Variants in PDE1C observed in about 807,000 individuals in gnomAD.
The protein encoded by PDE1C is phosphodiesterase 1C.
A neutral mutation model predicts 93.1 loss-of-function variants in PDE1C; 62 were observed. The observed-to-expected ratio is 0.67, with a 90% confidence interval of 0.54 to 0.82. PDE1C has a LOEUF of 0.82. PDE1C is among the 40% of genes least tolerant of loss of function. The probability of loss-of-function intolerance (pLI) is 0.00; values close to 1 mark genes in which losing one functional copy is unlikely to be tolerated. For missense variants in PDE1C, 742 were observed against 884.6 expected, an observed-to-expected ratio of 0.84 and a Z score of 2.04; for synonymous variants, 325 against 310.1, an observed-to-expected ratio of 1.05 and a Z score of -0.50.
At chr7:32,218,521 A>C (rs1423807144) in intron 1 of PDE1C, among the ~76,000 whole-genome samples, 1 of 152,204 alleles carries the variant, frequency 6.6e-6, no homozygotes, top group Non-Finnish European at 1.5e-5. Context: ...AAAATCCAAG[A>C]GGCCTTTACC....
At chr7:32,106,404 CT>C (rs1346464707) in intron 3 of PDE1C, among the ~76,000 whole-genome samples, 2 of 151,876 alleles carry the variant, frequency 1.3e-5, no homozygotes, top group Admixed American at 6.6e-5. Context: ...CGCCAGACAT[CT>C]GACAAAAAAT....
chr7:31,822,683 C>T (rs1421300292), intron 14 of PDE1C, among the ~76,000 whole-genome samples: 1 of 152,052 alleles, frequency 6.6e-6, no homozygotes, highest in Non-Finnish European at 1.5e-5. Context: ...ACATAATGGC[C>T]AAGGCAAGGT....
At chr7:32,413,597 A>C (rs1377324688) in intron 1 of PDE1C, among the ~76,000 whole-genome samples, 2 of 152,188 alleles carry the variant, frequency 1.3e-5, no homozygotes, top group African/African-American at 4.8e-5. Context: ...ATACTGTTTA[A>C]TAGGCACAGA....
At chr7:32,008,318 G>C (rs971103023) in intron 2 of PDE1C, among the ~76,000 whole-genome samples, 3 of 152,140 alleles carry the variant, frequency 2.0e-5, no homozygotes, top group African/African-American at 4.8e-5. Context: ...CTCTGAATTT[G>C]TTGACTTGAT....
intron 3 of PDE1C, among the ~76,000 whole-genome samples, chr7:32,152,665 A>G (rs888317689): frequency 6.6e-6 from 1 of 152,220 alleles, no homozygotes; most frequent in Non-Finnish European, 1.5e-5. Flanking sequence ...AATTACCTAG[A>G]TGGATATGGA....
chr7:32,281,616 C>T (rs964953326), intron 1 of PDE1C, among the ~76,000 whole-genome samples: 1 of 152,134 alleles, frequency 6.6e-6, no homozygotes, highest in African/African-American at 2.4e-5. Flanking sequence ...AATACCCCAA[C>T]AGAAAAACTA....
the PDE1C span, among the ~76,000 whole-genome samples, chr7:31,676,235 A>C: frequency 2.7e-3 from 418 of 152,304 alleles, 5 homozygotes; most frequent in African/African-American, 9.7e-3. Context: ...TACCCAGCAC[A>C]GTCCTAAATC....
At chr7:32,343,250 T>C (rs112820210) in intron 1 of PDE1C, among the ~76,000 whole-genome samples, 3,692 of 152,340 alleles carry the variant, frequency 0.024, 61 homozygotes, top group Non-Finnish European at 0.036. Flanking sequence ...TCTCTTTACA[T>C]TTAAACGTCA....
chr7:31,895,792 G>C (rs1799234039), intron 2 of PDE1C, among the ~76,000 whole-genome samples: 1 of 152,064 alleles, frequency 6.6e-6, no homozygotes, highest in Non-Finnish European at 1.5e-5. Flanking sequence ...ATTTTATAAA[G>C]AGCAGTTCCC....
intron 1 of PDE1C, among the ~76,000 whole-genome samples, chr7:32,336,974 T>C (rs1783637933): frequency 6.6e-6 from 1 of 152,130 alleles, no homozygotes; most frequent in South Asian, 2.1e-4. Flanking sequence ...AGGTCCTGAG[T>C]CATCTTACAC....
chr7:31,676,533 T>C, the PDE1C span, among the ~76,000 whole-genome samples: 5 of 152,134 alleles, frequency 3.3e-5, no homozygotes, highest in African/African-American at 1.2e-4. Context: ...ATATCAGATG[T>C]ATAGTTGAAG....
chr7:31,676,673 G>C, the PDE1C span, among the ~76,000 whole-genome samples: 1 of 152,004 alleles, frequency 6.6e-6, no homozygotes, highest in South Asian at 2.1e-4. Flanking sequence ...AATTTAAAAA[G>C]CCAAAGGAAG....
At chr7:32,054,268 G>A (rs1173004998) in intron 1 of PDE1C, among the ~76,000 whole-genome samples, 1 of 152,132 alleles carries the variant, frequency 6.6e-6, no homozygotes, top group Non-Finnish European at 1.5e-5. Flanking sequence ...AGGCAACAGG[G>A]CTCTGGAGTG....
chr7:31,830,061 C>T lies in PDE1C; in HGVS notation c.1204-1688G>A, dbSNP rs191591332. 1.6e-3 allele frequency among the ~76,000 whole-genome samples: 251 copies of T among 152,210 alleles called. 3 individuals carry two copies. Among genetic ancestry groups the T allele is most frequent in the Admixed American group, 4.6e-4 (7 of 15,284 alleles). ...TGATACTAAATAACTCCTAATTCCA[C>T]GAACTTGTCTATACCCAAATATACA... On this transcript the variant is annotated intron_variant, in intron 11 of 17. Coordinates refer to ENST00000396191, the MANE Select transcript of PDE1C (RefSeq NM_001191057.4).
intron 1 of PDE1C, among the ~76,000 whole-genome samples, chr7:32,247,413 T>A (rs1809046838): frequency 7.8e-6 from 1 of 127,636 alleles, no homozygotes; most frequent in African/African-American, 3.0e-5. Flanking sequence ...CAAGAATCAT[T>A]TGTTAAGGCA....
intron 9 of PDE1C, 62 bp from the exon 10 acceptor site, chr7:31,838,033 G>GTTT: frequency 1.0e-6 from 1 of 954,746 alleles, no homozygotes; most frequent in Non-Finnish European, 1.6e-6. Context: ...AAAAATCAGT[G>GTTT]TTTTTTTTTT....
At chr7:31,720,217 C>T in the PDE1C span, among the ~76,000 whole-genome samples, 1 of 118,326 alleles carries the variant, frequency 8.5e-6, no homozygotes, top group African/African-American at 3.0e-5. Context: ...ATGTGTAGAA[C>T]ACATAAAAGC....
At chr7:31,763,253 C>T (rs1156228366) in intron 17 of PDE1C, among the ~76,000 whole-genome samples, 2 of 152,136 alleles carry the variant, frequency 1.3e-5, no homozygotes, top group African/African-American at 4.8e-5. Flanking sequence ...CAGCCATGTG[C>T]TAAGATTGTA....
intron 3 of PDE1C, among the ~76,000 whole-genome samples, chr7:32,169,018 C>T (rs1288401705): frequency 6.6e-6 from 1 of 151,958 alleles, no homozygotes; most frequent in Admixed American, 6.6e-5. Context: ...ATTGACATAA[C>T]AGGAAGAAAG....
Sources: gnomAD v4.1 joint callset for allele counts (sites outside exome capture counted in the v4.1 genomes callset) on GRCh38, gnomAD v4.1.1 for gene constraint, MANE v1.5 for transcripts, NCBI Gene and HGNC (gene_info 2026-07-23, HGNC 2026-07-21) for gene names.